Variants in PCDH15 observed in about 807,000 individuals in gnomAD.
PCDH15 encodes protocadherin-15.
Under a neutral mutation model 178.5 loss-of-function variants are expected in PCDH15, and 129 were observed. That is an observed-to-expected ratio of 0.72 (90% CI 0.63 to 0.84). The LOEUF is 0.84. Among genes scored for constraint, PCDH15 ranks in the 40% least tolerant of loss-of-function variants. PCDH15 has a pLI of 0.00. For synonymous variants in PCDH15, 800 were observed against 732.0 expected, an observed-to-expected ratio of 1.09 and a Z score of -1.50; for missense variants, 2,230 against 2,099.9, an observed-to-expected ratio of 1.06 and a Z score of -1.21.
intron 2 of PCDH15, among the ~76,000 whole-genome samples, chr10:54,662,437 T>C (rs2094505727): frequency 6.6e-6 from 1 of 151,956 alleles, no homozygotes; most frequent in Non-Finnish European, 1.5e-5. Context: ...ATAAACTGTG[T>C]TAGTATAGTA....
chr10:53,972,567 T>C (rs1261904144), intron 21 of PCDH15, among the ~76,000 whole-genome samples: 4 of 152,156 alleles, frequency 2.6e-5, no homozygotes, highest in Admixed American at 1.3e-4. Flanking sequence ...ATCCAGAATC[T>C]ACAAAGAACT....
chr10:53,894,106 G>A (rs764380352), intron 26 of PCDH15, among the ~76,000 whole-genome samples: 2 of 152,078 alleles, frequency 1.3e-5, no homozygotes, highest in Non-Finnish European at 2.9e-5. Context: ...GAAATGTTAA[G>A]CCCAATATAT....
At chr10:54,678,543 C>T (rs2094834450) in intron 1 of PCDH15, among the ~76,000 whole-genome samples, 1 of 152,040 alleles carries the variant, frequency 6.6e-6, no homozygotes, top group Non-Finnish European at 1.5e-5. Context: ...CATATTACTG[C>T]TAAATTCAAA....
At chr10:55,084,004 A>C (rs1592342) in intron 2 of PCDH15, among the ~76,000 whole-genome samples, 14,225 of 151,850 alleles carry the variant, frequency 0.094, 2,003 homozygotes, top group African/African-American at 0.31. Flanking sequence ...ATACTACCCA[A>C]AGCAATATAA....
intron 3 of PCDH15, among the ~76,000 whole-genome samples, chr10:54,431,432 T>C (rs1589376877): frequency 2.0e-5 from 3 of 152,286 alleles, no homozygotes; most frequent in African/African-American, 7.2e-5. Context: ...TTATCCCAGG[T>C]ATGCAAGGAA....
intron 32 of PCDH15, chr10:53,823,052 G>A (rs775912760): frequency 6.2e-7 from 1 of 1,613,936 alleles, no homozygotes; most frequent in Non-Finnish European, 8.5e-7. Flanking sequence ...ACTTACTCTT[G>A]GCTTGTATTT....
intron 2 of PCDH15, among the ~76,000 whole-genome samples, chr10:55,349,226 T>G (rs927185877): frequency 3.3e-5 from 5 of 152,162 alleles, no homozygotes; most frequent in African/African-American, 1.2e-4. Flanking sequence ...GAAGTCCCAG[T>G]GTCCTCTACC....
At chr10:55,502,828 T>C (rs1178405798) in intron 2 of PCDH15, among the ~76,000 whole-genome samples, 2 of 151,726 alleles carry the variant, frequency 1.3e-5, no homozygotes, top group African/African-American at 4.8e-5. Flanking sequence ...AATTTATTTA[T>C]ACTTGTTATT....
chr10:53,885,262 CT>C (rs1221661322), intron 26 of PCDH15, among the ~76,000 whole-genome samples: 2 of 152,086 alleles, frequency 1.3e-5, no homozygotes, highest in East Asian at 1.9e-4. Flanking sequence ...TGCCTTTTCC[CT>C]TTTTTCCTAC....
rs190862761 is a variant in PCDH15, at chr10:55,528,275, G to A, written c.-156+99350C>T. On this transcript the variant is annotated intron_variant, in intron 2 of 5. Transcript: ENST00000613346. The stretch of plus-strand genomic sequence containing the variant: ...AAGTTTTAGGGTACATGTATACAAC[G>A]TGCAGGTTTGTTACATATGTATACA... 5.8e-4 allele frequency among the ~76,000 whole-genome samples: 87 copies of A among 151,116 alleles called. 1 individual carries two copies. In the East Asian group the frequency reaches 0.011, roughly 19 times the overall value.
In PCDH15 at chr10:54,500,454, A is replaced by G. The variant is rs189134789; in HGVS notation, c.157+27358T>C. ...TCCCATGAACCTAAAAGTTGAGAAT[A>G]GAAAAAAACAAAAACATATTAACCC... On this transcript the variant is annotated intron_variant, in intron 3 of 37. Transcript: ENST00000644397. 3.0e-3 allele frequency among the ~76,000 whole-genome samples: 456 copies of G among 152,252 alleles called. 3 individuals carry two copies. The highest frequency in any genetic ancestry group is 6.8e-3 in the Middle Eastern group (2 of 294).
At chr10:55,124,673 T>G (rs888206656) in intron 2 of PCDH15, among the ~76,000 whole-genome samples, 1 of 152,118 alleles carries the variant, frequency 6.6e-6, no homozygotes, top group Non-Finnish European at 1.5e-5. Context: ...TAAATATAAC[T>G]AAATGGCTGG....
intron 1 of PCDH15, among the ~76,000 whole-genome samples, chr10:54,736,373 C>G (rs1306236939): frequency 1.3e-5 from 2 of 151,898 alleles, no homozygotes; most frequent in African/African-American, 4.8e-5. Context: ...AAGATGATTT[C>G]AACATATTTC....
At chr10:53,816,594 T>A (rs1260495923) in intron 34 of PCDH15, among the ~76,000 whole-genome samples, 1 of 152,200 alleles carries the variant, frequency 6.6e-6, no homozygotes, top group East Asian at 1.9e-4. Flanking sequence ...GAGTTATTTA[T>A]GTTTCTAAAA....
At chr10:54,246,775 A>T (rs1295085277) in intron 8 of PCDH15, among the ~76,000 whole-genome samples, 2 of 151,978 alleles carry the variant, frequency 1.3e-5, no homozygotes, top group Non-Finnish European at 2.9e-5. Flanking sequence ...TATGGTTTAC[A>T]TTCTATCACA....
intron 21 of PCDH15, among the ~76,000 whole-genome samples, chr10:53,981,982 A>G (rs1426394217): frequency 6.6e-6 from 1 of 152,168 alleles, no homozygotes; most frequent in African/African-American, 2.4e-5. Flanking sequence ...AGAAAAAAAC[A>G]AACAACCCCA....
At chr10:55,601,777 A>C (rs1204138034) in intron 2 of PCDH15, among the ~76,000 whole-genome samples, 2 of 152,200 alleles carry the variant, frequency 1.3e-5, no homozygotes, top group Non-Finnish European at 1.5e-5. Flanking sequence ...TACTGACTAG[A>C]TACAAGAATA....
chr10:55,354,967 T>G (rs1845039622), intron 2 of PCDH15, among the ~76,000 whole-genome samples: 1 of 152,030 alleles, frequency 6.6e-6, no homozygotes, highest in Middle Eastern at 3.2e-3. Flanking sequence ...AATAATTTTA[T>G]CATTTTGATA....
intron 16 of PCDH15, among the ~76,000 whole-genome samples, chr10:54,088,148 T>C (rs72797017): frequency 0.057 from 8,744 of 152,266 alleles, 326 homozygotes; most frequent in Non-Finnish European, 0.09. Context: ...AACTCACACA[T>C]GCACATTTTA....
Sources: allele counts gnomAD v4.1 joint callset (sites outside exome capture counted in the v4.1 genomes callset), GRCh38; gene constraint gnomAD v4.1.1; transcripts MANE v1.5; gene names NCBI Gene and HGNC (gene_info 2026-07-23, HGNC 2026-07-21).